The following MICAL3 variants were observed in gnomAD, a reference collection of about 807,000 sequenced individuals.
MICAL3 encodes the protein microtubule associated monooxygenase, calponin and LIM domain containing 3, also known as [F-actin]-monooxygenase MICAL3.
MICAL3 carries 62 observed loss-of-function variants against 207.4 expected under a neutral mutation model. That is an observed-to-expected ratio of 0.30 (90% CI 0.24 to 0.37). The LOEUF is 0.37. MICAL3 is among the 10% of genes least tolerant of loss of function. The probability of loss-of-function intolerance (pLI) is 1.00; values close to 1 mark genes in which losing one functional copy is unlikely to be tolerated. For missense variants in MICAL3, 2,368 were observed against 2,635.6 expected (o/e 0.90, Z 2.22); for synonymous variants, 1,077 against 1,069.3 (o/e 1.01, Z -0.14).
intron 1 of MICAL3, among the ~76,000 whole-genome samples, chr22:17,988,982 C>T (rs9605485): frequency 0.022 from 3,379 of 152,228 alleles, 48 homozygotes; most frequent in Middle Eastern, 0.027. Flanking sequence ...ATTTACCTTC[C>T]GGCCTTTTAC....
intron 1 of MICAL3, among the ~76,000 whole-genome samples, chr22:17,968,784 A>G (rs1014492580): frequency 1.3e-5 from 2 of 152,198 alleles, no homozygotes; most frequent in Non-Finnish European, 2.9e-5. Context: ...AAGGAGCTCG[A>G]GGGGAGTTAG....
chr22:17,965,183 CAA>C (rs370246938), intron 1 of MICAL3, among the ~76,000 whole-genome samples: 1,111 of 105,598 alleles, frequency 0.011, 17 homozygotes, highest in African/African-American at 0.034. Flanking sequence ...ACCCCGTCTC[CAA>C]AAAAAAAAAA....
chr22:17,860,186 A>G, intron 19 of MICAL3: 3 of 978,388 alleles, frequency 3.1e-6, no homozygotes, highest in Non-Finnish European at 3.6e-6. Context: ...ATTCTCTTAA[A>G]TAAGAATGTA....
At chr22:17,950,225 T>TTG in intron 1 of MICAL3, among the ~76,000 whole-genome samples, 1 of 150,906 alleles carries the variant, frequency 6.6e-6, no homozygotes, top group East Asian at 1.9e-4. Flanking sequence ...GCAGTGGCGC[T>TTG]ATCTTGGCTC....
intron 29 of MICAL3, among the ~76,000 whole-genome samples, chr22:17,792,622 C>T (rs981272579): frequency 6.6e-6 from 1 of 152,250 alleles, no homozygotes; most frequent in Non-Finnish European, 1.5e-5. Context: ...GCAGTGGTGT[C>T]TGCTAGACAG....
At chr22:17,878,725 G>A (rs1929129780) in intron 16 of MICAL3, among the ~76,000 whole-genome samples, 1 of 152,074 alleles carries the variant, frequency 6.6e-6, no homozygotes, top group Non-Finnish European at 1.5e-5. Context: ...TCTTTAACTG[G>A]GCATCTCGGC....
chr22:17,958,760 A>G (rs1050458840), intron 1 of MICAL3, among the ~76,000 whole-genome samples: 10 of 151,234 alleles, frequency 6.6e-5, no homozygotes, highest in Admixed American at 2.0e-4. Context: ...CCAGAGTGCA[A>G]TGGCGTGATC....
At chr22:17,808,467 G>A (rs1006846555) in intron 29 of MICAL3, among the ~76,000 whole-genome samples, 1 of 152,200 alleles carries the variant, frequency 6.6e-6, no homozygotes, top group Non-Finnish European at 1.5e-5. Context: ...GCAGGCTGGG[G>A]ACCTGCTCAG....
Position 17,875,661 on chromosome 22 carries a change from T to G in MICAL3, c.2242-3638A>C. 4 of 516,166 alleles carry G rather than the reference T, an allele frequency of 7.7e-6. No individual in the cohort carries two copies. In the South Asian group the frequency reaches 8.9e-5, roughly 11 times the overall value. The allele number at this position is 516,166 out of a possible 1,614,324, so 32.0% of individuals were successfully genotyped here. A position where few individuals can be genotyped will look rare whatever the true frequency, so the allele number is the denominator to read the frequency against. The stretch of plus-strand genomic sequence containing the variant: ...TTGTAGAGCCTTTTACTCTAGACCT[T>G]TATCTAAATACCATGTATAGTAAAA... On this transcript the variant is annotated intron_variant, in intron 16 of 31. Transcript: ENST00000441493.
At chr22:17,936,596 TTC>T (rs1452911096) in intron 1 of MICAL3, among the ~76,000 whole-genome samples, 9 of 151,986 alleles carry the variant, frequency 5.9e-5, no homozygotes, top group African/African-American at 2.2e-4. Context: ...AAAAGAAACT[TTC>T]TGAGATAACA....
intron 1 of MICAL3, among the ~76,000 whole-genome samples, chr22:17,916,929 CA>C (rs1333293575): frequency 1.3e-5 from 2 of 152,282 alleles, no homozygotes; most frequent in East Asian, 1.9e-4. Context: ...TCTCTTTTCA[CA>C]TAAATTTAAT....
At chr22:17,885,040 C>G (rs776566772) in intron 16 of MICAL3, among the ~76,000 whole-genome samples, 3 of 152,122 alleles carry the variant, frequency 2.0e-5, no homozygotes, top group Non-Finnish European at 4.4e-5. Context: ...ACTTCCAGTG[C>G]GAATCTTCAA....
At position 17,902,689 on chromosome 22, in the gene MICAL3, G is replaced by T. The variant is rs748706911; in HGVS notation, c.531C>A (p.Ile177=). 14 of 1,607,656 alleles carry T rather than the reference G, an allele frequency of 8.7e-6. No individual in the cohort carries two copies. Among genetic ancestry groups the T allele is most frequent in the Non-Finnish European group, 1.2e-5 (14 of 1,176,792 alleles). Residue 177 remains isoleucine, a synonymous_variant, in exon 4 of 32, where the codon ATC becomes ATA. Coordinates refer to ENST00000441493, the MANE Select transcript of MICAL3 (RefSeq NM_015241.3). The surrounding 1 kb of genome is among the most constrained non-coding windows in gnomAD (Gnocchi z 4.5). ...GTCCTTGGAATTCCACATTGACGTGGATTTCAATGCCTAGGATCAAGGCTA... is the reference window on the plus strand; with the variant it reads ...GTCCTTGGAATTCCACATTGACGTGTATTTCAATGCCTAGGATCAAGGCTA... The part of the protein sequence containing the change: ...LKVALILGIE[I]HVNVEFQGLI...
intron 1 of MICAL3, among the ~76,000 whole-genome samples, chr22:17,968,385 G>A (rs920241081): frequency 6.6e-6 from 1 of 152,164 alleles, no homozygotes; most frequent in African/African-American, 2.4e-5. Context: ...ACTCCACGGG[G>A]GAGCAGCACA....
Position 17,790,491 on chromosome 22 carries a change from C to G in MICAL3, c.*241G>C. The G allele has an allele frequency of 1.8e-6, 1 of 564,876 alleles. No individual in the cohort carries two copies. The highest frequency in any genetic ancestry group is 3.2e-6 in the Non-Finnish European group (1 of 316,424). The allele number at this position is 564,876 out of a possible 1,614,324, so 35.0% of individuals were successfully genotyped here. A position where few individuals can be genotyped will look rare whatever the true frequency, so the allele number is the denominator to read the frequency against. ...GCGTCATGCCATACACGCCGTGCTG[C>G]TCCTCTGAGTGGGAGGTCCAGGTGG... On this transcript the variant is annotated 3_prime_UTR_variant, in exon 32 of 32. Transcript: ENST00000441493.
intron 1 of MICAL3, among the ~76,000 whole-genome samples, chr22:17,996,719 G>A (rs1922323734): frequency 6.6e-6 from 1 of 152,186 alleles, no homozygotes; most frequent in African/African-American, 2.4e-5. Context: ...CGTGGCTGGA[G>A]AGAGGGGGAA....
chr22:17,843,780 G>A (rs1285596461), intron 19 of MICAL3, among the ~76,000 whole-genome samples: 1 of 152,236 alleles, frequency 6.6e-6, no homozygotes, highest in Non-Finnish European at 1.5e-5. Flanking sequence ...AGGCTCTGGA[G>A]AGCGAACAGT....
At chr22:17,921,624 G>C (rs1055019280) in intron 1 of MICAL3, among the ~76,000 whole-genome samples, 4 of 152,124 alleles carry the variant, frequency 2.6e-5, no homozygotes, top group African/African-American at 9.7e-5. Context: ...TAGTAGCTGG[G>C]ATTACAGGCA....
intron 29 of MICAL3, among the ~76,000 whole-genome samples, chr22:17,801,040 T>C (rs74726411): frequency 0.015 from 2,263 of 151,946 alleles, 54 homozygotes; most frequent in African/African-American, 0.051. Context: ...CGCAGCATAA[T>C]GGTCTGGGAA....
Sources: gnomAD v4.1 joint callset for allele counts (sites outside exome capture counted in the v4.1 genomes callset) on GRCh38, gnomAD v4.1.1 for gene constraint, Gnocchi (gnomAD v3.1) non-coding constraint, MANE v1.5 for transcripts, NCBI Gene and HGNC (gene_info 2026-07-23, HGNC 2026-07-21) for gene names.